The following SPATA13 variants were observed in gnomAD, a reference collection of about 807,000 sequenced individuals.
SPATA13 encodes the protein spermatogenesis associated 13, also known as spermatogenesis-associated protein 13.
SPATA13 carries 50 observed loss-of-function variants against 104.0 expected under a neutral mutation model. The ratio of observed to expected loss-of-function variants is 0.48; its 90% CI spans 0.38 to 0.61. SPATA13 has a LOEUF of 0.61. Among genes scored for constraint, SPATA13 ranks in the 20% least tolerant of loss-of-function variants. SPATA13 has a pLI of 0.00. For synonymous variants in SPATA13, 606 were observed against 667.5 expected (o/e 0.91, Z 1.42); for missense variants, 1,524 against 1,690.6 (o/e 0.90, Z 1.73).
intron 4 of SPATA13, among the ~76,000 whole-genome samples, chr13:24,252,506 C>G (rs937979647): frequency 3.9e-5 from 6 of 152,092 alleles, no homozygotes; most frequent in African/African-American, 9.7e-5. Flanking sequence ...AAACGTATAC[C>G]ATGTTTGTAA....
chr13:24,192,361 C>T (rs112616273), intron 1 of SPATA13, among the ~76,000 whole-genome samples: 1,707 of 152,056 alleles, frequency 0.011, 32 homozygotes, highest in African/African-American at 0.039. Flanking sequence ...TTGAGGTGTT[C>T]GTCTCCTCCT....
At chr13:23,984,422 G>A (rs73461321) in intron 2 of SPATA13, among the ~76,000 whole-genome samples, 3,550 of 152,310 alleles carry the variant, frequency 0.023, 124 homozygotes, top group African/African-American at 0.081. Flanking sequence ...AATTATATGA[G>A]GTTGCTTCTT....
intron 4 of SPATA13, among the ~76,000 whole-genome samples, chr13:24,272,197 CT>C (rs1197457375): frequency 6.6e-6 from 1 of 152,104 alleles, no homozygotes. Context: ...CAGGTGGCCC[CT>C]GGCTCTCCTC....
intron 3 of SPATA13, among the ~76,000 whole-genome samples, chr13:24,077,730 C>T (rs1168860375): frequency 3.3e-5 from 5 of 152,144 alleles, no homozygotes; most frequent in Admixed American, 1.3e-4. Context: ...GCCCCAGGAC[C>T]GTGTATAATC....
At chr13:24,188,909 G>A (rs753543939) in intron 1 of SPATA13, among the ~76,000 whole-genome samples, 1 of 152,142 alleles carries the variant, frequency 6.6e-6, no homozygotes, top group Non-Finnish European at 1.5e-5. Context: ...GTAGAATTAT[G>A]CTAAATCTAC....
At chr13:24,302,565 T>C (rs747120478) in intron 12 of SPATA13, 33 bp from the exon 13 acceptor site, 1 of 1,496,030 alleles carries the variant, frequency 6.7e-7, no homozygotes, top group Non-Finnish European at 9.0e-7. Context: ...CGACCCTCAG[T>C]CCCTGTTCCA....
intron 3 of SPATA13, chr13:24,123,393 A>T (rs1881104494): frequency 7.9e-7 from 1 of 1,271,950 alleles, no homozygotes; most frequent in South Asian, 1.2e-5. Context: ...CATGTAGCCT[A>T]GTTCACTGCT....
chr13:24,055,148 A>G (rs1593301927), intron 3 of SPATA13, among the ~76,000 whole-genome samples: 1 of 152,364 alleles, frequency 6.6e-6, no homozygotes, highest in East Asian at 1.9e-4. Flanking sequence ...TCAGCCTGCA[A>G]TTCATGTGCA....
At chr13:24,036,560 C>A (rs1877689612) in intron 3 of SPATA13, among the ~76,000 whole-genome samples, 1 of 152,126 alleles carries the variant, frequency 6.6e-6, no homozygotes. Context: ...AGCTCCCCTG[C>A]CACCTGGGGC....
intron 1 of SPATA13, among the ~76,000 whole-genome samples, chr13:24,193,734 GTCT>G (rs1210527566): frequency 3.3e-5 from 5 of 152,196 alleles, no homozygotes; most frequent in African/African-American, 9.7e-5. Context: ...AGAGGAGCAG[GTCT>G]TCTTCTGGAG....
intron 1 of SPATA13, among the ~76,000 whole-genome samples, chr13:24,174,014 G>A (rs146858227): frequency 3.2e-4 from 49 of 152,264 alleles, no homozygotes; most frequent in Non-Finnish European, 5.9e-4. Context: ...TTCATTTCCC[G>A]GAAGAGGTAG....
intron 3 of SPATA13, among the ~76,000 whole-genome samples, chr13:24,099,697 ATGAGCGCCATG>A (rs1300142444): frequency 2.0e-5 from 3 of 152,226 alleles, no homozygotes; most frequent in Non-Finnish European, 4.4e-5. Flanking sequence ...AGCACAGAGG[ATGAGCGCCATG>A]TGATCAGTGT....
intron 3 of SPATA13, among the ~76,000 whole-genome samples, chr13:24,087,155 A>G (rs1223198908): frequency 6.6e-6 from 1 of 152,074 alleles, no homozygotes; most frequent in Non-Finnish European, 1.5e-5. Context: ...AAAAGATCAC[A>G]GGGAAACCTG....
At chr13:24,068,117 C>A (rs1158696652) in intron 3 of SPATA13, among the ~76,000 whole-genome samples, 1 of 152,086 alleles carries the variant, frequency 6.6e-6, no homozygotes, top group Non-Finnish European at 1.5e-5. Flanking sequence ...AGCATTAAGC[C>A]AAGTGGCCAT....
chr13:24,110,448 A>G (rs1880602228), intron 3 of SPATA13, among the ~76,000 whole-genome samples: 1 of 152,226 alleles, frequency 6.6e-6, no homozygotes, highest in Admixed American at 6.5e-5. Flanking sequence ...TAATATGTCC[A>G]TGGGTCAACT....
intron 3 of SPATA13, among the ~76,000 whole-genome samples, chr13:24,077,288 A>G (rs1238897609): frequency 7.5e-6 from 1 of 133,214 alleles, no homozygotes; most frequent in Non-Finnish European, 1.6e-5. Flanking sequence ...AAAAAAAAAG[A>G]GCCCAGTCCA....
At chr13:24,041,361 T>C (rs763766189) in intron 3 of SPATA13, among the ~76,000 whole-genome samples, 13 of 152,260 alleles carry the variant, frequency 8.5e-5, no homozygotes, top group Non-Finnish European at 1.9e-4. Flanking sequence ...ATTTTCCCTA[T>C]TGACAAATTT....
Position 24,290,874 on chromosome 13 carries a change from C to G in SPATA13, c.3070C>G (p.Gln1024Glu). Residue 1024 changes from glutamine (Q) to glutamate (E), a missense_variant, in exon 9 of 13, where the codon CAG (glutamine) becomes GAG (glutamate). Coordinates refer to ENST00000382108, the MANE Select transcript of SPATA13 (RefSeq NM_001166271.3). ...QLAELLKYTT[Q>E]EHGDYSNIKA... Reference sequence around the variant, plus strand: ...GGCCGAGCTGCTCAAGTATACCACACAGGAACACGGGTGAGGGGCATGGGT... The same window carrying G: ...GGCCGAGCTGCTCAAGTATACCACAGAGGAACACGGGTGAGGGGCATGGGT... 2 of 1,613,828 alleles carry G rather than the reference C, an allele frequency of 1.2e-6. No homozygotes were observed. Among genetic ancestry groups the G allele is most frequent in the Non-Finnish European group, 1.7e-6 (2 of 1,179,818 alleles).
At chr13:24,151,456 A>G (rs1166140863) in intron 3 of SPATA13, among the ~76,000 whole-genome samples, 2 of 152,272 alleles carry the variant, frequency 1.3e-5, no homozygotes, top group African/African-American at 4.8e-5. Context: ...CTAGACAATA[A>G]TAATGGCTGT....
Sources: gnomAD v4.1 joint callset for allele counts (sites outside exome capture counted in the v4.1 genomes callset) on GRCh38, gnomAD v4.1.1 for gene constraint, MANE v1.5 for transcripts, NCBI Gene and HGNC (gene_info 2026-07-23, HGNC 2026-07-21) for gene names.